The following FOXP2 variants were observed in gnomAD, a reference collection of about 807,000 sequenced individuals.
FOXP2 encodes the protein forkhead box P2.
In FOXP2, 12 loss-of-function variants were observed where a neutral mutation model predicts 115.8. The ratio of observed to expected loss-of-function variants is 0.10; its 90% CI spans 0.07 to 0.17. The LOEUF (loss-of-function observed/expected upper bound fraction) is 0.17, where lower values mean the gene tolerates loss of function less well. FOXP2 is among the 10% of genes least tolerant of loss of function. FOXP2 has a pLI of 1.00. For synonymous variants in FOXP2, 328 were observed against 297.7 expected, an observed-to-expected ratio of 1.10 and a Z score of -1.05; for missense variants, 629 against 843.5, an observed-to-expected ratio of 0.75 and a Z score of 3.15.
Position 114,628,571 on chromosome 7 carries a change from A to G in FOXP2, c.290A>G (p.Gln97Arg). The G allele has an allele frequency of 6.2e-7, 1 of 1,614,046 alleles. No individual in the cohort carries two copies. ...VPVSVAMMTP[Q>R]VITPQQMQQI... ...GTGTCAGTGGCCATGATGACTCCCC[A>G]GGTGATCACCCCTCAGCAAATGCAG... Residue 97 changes from glutamine (Q) to arginine (R), a missense_variant, in exon 4 of 17, where the codon CAG becomes CGG. Physicochemically the swap from Gln to Arg is conservative, Grantham distance 43. This residue lies in a region of FOXP2 where 138 missense variants were observed against 205.1 expected (regional missense o/e 0.67). Transcript: ENST00000350908.
intron 1 of FOXP2, among the ~76,000 whole-genome samples, chr7:114,205,982 C>G (rs559047641): frequency 6.6e-6 from 1 of 152,276 alleles, no homozygotes; most frequent in East Asian, 1.9e-4. Context: ...GTCATCCTGG[C>G]AGTTTGGGAG....
At chr7:114,185,446 A>G (rs148004930) in intron 1 of FOXP2, among the ~76,000 whole-genome samples, 2 of 152,284 alleles carry the variant, frequency 1.3e-5, no homozygotes, top group East Asian at 3.9e-4. Flanking sequence ...GCCTATCTCA[A>G]AGGGTTGTTA....
intron 2 of FOXP2, among the ~76,000 whole-genome samples, chr7:114,479,421 A>T (rs1212180804): frequency 4.6e-5 from 7 of 151,438 alleles, no homozygotes; most frequent in Admixed American, 6.6e-5. Context: ...GTTACTTTTA[A>T]CATGGTATTT....
intron 2 of FOXP2, among the ~76,000 whole-genome samples, chr7:114,502,733 C>G (rs562142936): frequency 6.6e-6 from 1 of 152,142 alleles, no homozygotes; most frequent in South Asian, 2.1e-4. Context: ...CCCATAAATG[C>G]ACAGATTCCT....
intron 3 of FOXP2, among the ~76,000 whole-genome samples, chr7:114,540,143 A>C (rs1024900759): frequency 6.6e-6 from 1 of 151,992 alleles, no homozygotes; most frequent in South Asian, 2.1e-4. Context: ...ATTTGTTACT[A>C]TTACCAGCTA....
At chr7:114,145,053 G>T (rs1161140743) in intron 1 of FOXP2, among the ~76,000 whole-genome samples, 1 of 152,068 alleles carries the variant, frequency 6.6e-6, no homozygotes, top group Non-Finnish European at 1.5e-5. Context: ...TTAAAGCAGG[G>T]AATTGAGCAC....
At chr7:114,504,995 GT>G (rs1797742031) in intron 2 of FOXP2, among the ~76,000 whole-genome samples, 1 of 151,488 alleles carries the variant, frequency 6.6e-6, no homozygotes, top group African/African-American at 2.4e-5. Flanking sequence ...TTACTGATTT[GT>G]TTTAACTATT....
intron 2 of FOXP2, among the ~76,000 whole-genome samples, chr7:114,470,379 T>G (rs1795993377): frequency 6.6e-6 from 1 of 152,218 alleles, no homozygotes; most frequent in African/African-American, 2.4e-5. Context: ...TTTTCAGAGC[T>G]TTATCATTCT....
chr7:114,492,805 A>G (rs1797127726), intron 2 of FOXP2, among the ~76,000 whole-genome samples: 1 of 151,994 alleles, frequency 6.6e-6, no homozygotes, highest in Admixed American at 6.6e-5. Context: ...GTTCTTTTAC[A>G]TTTGCTGAGG....
intron 3 of FOXP2, among the ~76,000 whole-genome samples, chr7:114,540,865 A>T (rs1419720018): frequency 3.9e-5 from 6 of 152,008 alleles, no homozygotes; most frequent in Non-Finnish European, 8.8e-5. Flanking sequence ...TGTAATAATG[A>T]ATGGGTTGGG....
chr7:114,094,977 A>G (rs1233623283), intron 1 of FOXP2, among the ~76,000 whole-genome samples: 1 of 152,150 alleles, frequency 6.6e-6, no homozygotes, highest in Non-Finnish European at 1.5e-5. Flanking sequence ...TCCAAATCTC[A>G]GTGAACTCTC....
exon 1 of FOXP2, chr7:114,087,795 A>C (rs1215320774): frequency 6.6e-6 from 1 of 151,956 alleles, no homozygotes; most frequent in Non-Finnish European, 1.5e-5. Context: ...TAGAGCAGGG[A>C]GGAAAAGTTA....
chr7:114,102,176 A>G (rs2129140823), intron 1 of FOXP2, among the ~76,000 whole-genome samples: 1 of 152,136 alleles, frequency 6.6e-6, no homozygotes, highest in African/African-American at 2.4e-5. Context: ...TCTAAGGTTG[A>G]AGAATGCTTG....
At chr7:114,190,254 G>A (rs1267668753) in intron 1 of FOXP2, among the ~76,000 whole-genome samples, 2 of 152,158 alleles carry the variant, frequency 1.3e-5, no homozygotes, top group Non-Finnish European at 2.9e-5. Context: ...CTGGAAGAGA[G>A]TAGCATTTTA....
At chr7:114,633,748 A>G (rs1057153561) in intron 6 of FOXP2, among the ~76,000 whole-genome samples, 2 of 152,222 alleles carry the variant, frequency 1.3e-5, no homozygotes, top group African/African-American at 2.4e-5. Flanking sequence ...TTACGGTACT[A>G]TGCTGGAATC....
intron 2 of FOXP2, among the ~76,000 whole-genome samples, chr7:114,527,902 T>C (rs1312669554): frequency 6.6e-6 from 1 of 152,112 alleles, no homozygotes; most frequent in Non-Finnish European, 1.5e-5. Flanking sequence ...ATCTCTTATT[T>C]GGACAGTTGC....
At chr7:114,162,582 T>C (rs751195958), upstream of FOXP2, among the ~76,000 whole-genome samples, 7 of 152,102 alleles carry the variant, frequency 4.6e-5, no homozygotes, top group African/African-American at 7.2e-5. Context: ...TGAGTAAAAA[T>C]ATCTCATACC....
chr7:114,192,169 T>TGGACTACAGGCATGC (rs1554429049), intron 1 of FOXP2, among the ~76,000 whole-genome samples: 39 of 152,092 alleles, frequency 2.6e-4, no homozygotes, highest in East Asian at 7.7e-4. Context: ...GTATTTGTAG[T>TGGACTACAGGCATGC]AGAGACGGGG....
chr7:114,592,676 C>G (rs1318526933), intron 3 of FOXP2, among the ~76,000 whole-genome samples: 1 of 151,764 alleles, frequency 6.6e-6, no homozygotes, highest in Non-Finnish European at 1.5e-5. Flanking sequence ...AATAAGGATT[C>G]TACATTTAAG....
Sources: gnomAD v4.1 joint callset for allele counts (sites outside exome capture counted in the v4.1 genomes callset) on GRCh38, gnomAD v4.1.1 for gene constraint, gnomAD v4.1.1 regional missense constraint, MANE v1.5 for transcripts, NCBI Gene and HGNC (gene_info 2026-07-23, HGNC 2026-07-21) for gene names.